Variants in GPHN observed in about 807,000 individuals in gnomAD.
GPHN encodes gephyrin.
Under a neutral mutation model 95.5 loss-of-function variants are expected in GPHN, and 17 were observed. The observed-to-expected ratio is 0.18, with a 90% CI of 0.12 to 0.27. GPHN has a LOEUF of 0.27. GPHN is among the 10% of genes least tolerant of loss of function. GPHN has a pLI of 1.00. For synonymous variants in GPHN, 320 were observed against 322.5 expected, an observed-to-expected ratio of 0.99 and a Z score of 0.08; for missense variants, 660 against 978.1, an observed-to-expected ratio of 0.67 and a Z score of 4.34.
At chr14:66,591,305 G>C (rs1164025813) in intron 1 of GPHN, among the ~76,000 whole-genome samples, 1 of 152,140 alleles carries the variant, frequency 6.6e-6, no homozygotes, top group Non-Finnish European at 1.5e-5. Context: ...GTTCTGGCCA[G>C]GGCAATCAGG....
the GPHN span, among the ~76,000 whole-genome samples, chr14:67,723,961 G>A: frequency 1.3e-5 from 2 of 152,238 alleles, no homozygotes; most frequent in Non-Finnish European, 2.9e-5. Context: ...AAACTGGAGA[G>A]GCAGCCTAAG....
the GPHN span, among the ~76,000 whole-genome samples, chr14:67,382,849 AGTT>A: frequency 3.2e-4 from 48 of 152,044 alleles, no homozygotes; most frequent in African/African-American, 9.2e-4. Flanking sequence ...AGAAAAAAAA[AGTT>A]GTCTCCTGTC....
chr14:66,891,495 A>G (rs887974404), intron 5 of GPHN, among the ~76,000 whole-genome samples: 1 of 152,152 alleles, frequency 6.6e-6, no homozygotes, highest in Non-Finnish European at 1.5e-5. Flanking sequence ...AATTAATTCA[A>G]AATGGATCAA....
chr14:67,206,780 G>A, the GPHN span, among the ~76,000 whole-genome samples: 6 of 152,066 alleles, frequency 3.9e-5, no homozygotes, highest in South Asian at 1.2e-3. Flanking sequence ...GCCCAGGCTG[G>A]AGTGCAGTGG....
At chr14:67,542,036 G>A in the GPHN span, 2 of 1,535,144 alleles carry the variant, frequency 1.3e-6, no homozygotes, top group South Asian at 2.5e-5. Flanking sequence ...ACACGCAGAG[G>A]TTTATGGCAG....
intron 4 of GPHN, among the ~76,000 whole-genome samples, chr14:66,854,423 T>C (rs1019012516): frequency 2.0e-5 from 3 of 152,194 alleles, no homozygotes; most frequent in African/African-American, 7.2e-5. Context: ...ATTTTCCCAA[T>C]GAGAAGATCC....
chr14:67,628,240 G>C, the GPHN span, among the ~76,000 whole-genome samples: 2 of 152,108 alleles, frequency 1.3e-5, no homozygotes, highest in Non-Finnish European at 1.5e-5. Flanking sequence ...TTATAGATAG[G>C]TCTCACTATG....
At chr14:67,481,868 C>T in the GPHN span, among the ~76,000 whole-genome samples, 1 of 152,196 alleles carries the variant, frequency 6.6e-6, no homozygotes, top group South Asian at 2.1e-4. Flanking sequence ...TGGCTTCTTT[C>T]TCCTGGTGAC....
the GPHN span, among the ~76,000 whole-genome samples, chr14:67,612,920 G>A: frequency 6.0e-5 from 9 of 149,660 alleles, no homozygotes; most frequent in Admixed American, 3.3e-4. Flanking sequence ...ACGCCTGGGC[G>A]ACTGAGGGAG....
chr14:67,280,856 C>CTT, the GPHN span, among the ~76,000 whole-genome samples: 101 of 132,314 alleles, frequency 7.6e-4, no homozygotes, highest in African/African-American at 9.9e-4. Flanking sequence ...TCCTTCCTTC[C>CTT]CTCCCTCCCT....
the GPHN span, among the ~76,000 whole-genome samples, chr14:67,605,378 C>T: frequency 6.6e-6 from 1 of 152,050 alleles, no homozygotes; most frequent in South Asian, 2.1e-4. Flanking sequence ...TTTTTAGAGA[C>T]ACCATCTCAC....
At chr14:67,636,209 T>C in the GPHN span, among the ~76,000 whole-genome samples, 1 of 151,862 alleles carries the variant, frequency 6.6e-6, no homozygotes, top group African/African-American at 2.4e-5. Flanking sequence ...CTATGAGCCC[T>C]GGTAGCAACA....
intron 3 of GPHN, among the ~76,000 whole-genome samples, chr14:66,823,521 C>T (rs1377458264): frequency 1.3e-5 from 2 of 152,086 alleles, no homozygotes; most frequent in African/African-American, 2.4e-5. Flanking sequence ...GATGGGCTCT[C>T]AGTTATCTAC....
chr14:67,703,476 C>T, the GPHN span, among the ~76,000 whole-genome samples: 1 of 152,066 alleles, frequency 6.6e-6, no homozygotes, highest in Non-Finnish European at 1.5e-5. Context: ...TGAGCTTTAT[C>T]TCAACACAAG....
At chr14:67,382,658 TAA>T in the GPHN span, 5 of 1,564,014 alleles carry the variant, frequency 3.2e-6, no homozygotes, top group Non-Finnish European at 4.4e-6. Flanking sequence ...TGTAGGTAAA[TAA>T]GAGCTGTCGG....
the GPHN span, among the ~76,000 whole-genome samples, chr14:67,583,503 T>C: frequency 6.6e-6 from 1 of 152,226 alleles, no homozygotes. Flanking sequence ...GAAAAGGCAC[T>C]TCACCTCAGC....
At chr14:66,544,578 CTTTTTTTT>C (rs202211510) in intron 1 of GPHN, among the ~76,000 whole-genome samples, 1 of 141,606 alleles carries the variant, frequency 7.1e-6, no homozygotes, top group South Asian at 2.2e-4. Context: ...TTCTTTTTTT[CTTTTTTTT>C]TTTTTAATTT....
At chr14:67,720,325 A>C in the GPHN span, among the ~76,000 whole-genome samples, 1 of 152,060 alleles carries the variant, frequency 6.6e-6, no homozygotes, top group Non-Finnish European at 1.5e-5. Context: ...ATTTCCCCCC[A>C]GTTTCTCATT....
chr14:67,538,394 G>A, the GPHN span, among the ~76,000 whole-genome samples: 3 of 152,314 alleles, frequency 2.0e-5, no homozygotes, highest in East Asian at 1.9e-4. Flanking sequence ...AATTGTGTTC[G>A]TCCTCCATCT....
Sources: gnomAD v4.1 joint callset for allele counts (sites outside exome capture counted in the v4.1 genomes callset) on GRCh38, gnomAD v4.1.1 for gene constraint, MANE v1.5 for transcripts, NCBI Gene and HGNC (gene_info 2026-07-23, HGNC 2026-07-21) for gene names.